PLEKHG6: variants seen among roughly 807,000 people sequenced by gnomAD.
PLEKHG6 encodes pleckstrin homology and RhoGEF domain containing G6, also known as pleckstrin homology domain-containing family G member 6.
A neutral mutation model predicts 97.5 loss-of-function variants in PLEKHG6; 91 were observed. The observed-to-expected ratio is 0.93, with a 90% CI of 0.79 to 1.11. The LOEUF is 1.11. PLEKHG6 is among the 50% of genes most tolerant of loss of function. PLEKHG6 has a pLI of 0.00. For synonymous variants in PLEKHG6, 466 were observed against 425.5 expected (o/e 1.10, Z -1.17); for missense variants, 1,044 against 1,031.0 (o/e 1.01, Z -0.17).
chr12:6,321,099 C>T (rs1013207983), intron 13 of PLEKHG6, among the ~76,000 whole-genome samples: 9 of 152,038 alleles, frequency 5.9e-5, no homozygotes, highest in East Asian at 1.9e-4. Context: ...AGCTCACTGC[C>T]GCCTCAACTT....
At chr12:6,320,984 G>A (rs1220166215) in intron 13 of PLEKHG6, among the ~76,000 whole-genome samples, 3 of 151,992 alleles carry the variant, frequency 2.0e-5, no homozygotes, top group African/African-American at 7.3e-5. Flanking sequence ...ATGCGCTTGA[G>A]TTAAATAGGG....
chr12:6,318,735 C>T lies in PLEKHG6; in HGVS notation c.1276-10C>T. On this transcript the variant is annotated splice_polypyrimidine_tract_variant and intron_variant, in intron 11 of 15. Transcript: ENST00000684764. ...GACCCTGTCTCTTTCCCCTACGCCC[C>T]CACCCCCAGCTGGACGTGTACCTGT... The T allele has an allele frequency of 1.9e-6, 3 of 1,613,314 alleles. No individual in the cohort carries two copies. Among genetic ancestry groups the T allele is most frequent in the Non-Finnish European group, 2.5e-6 (3 of 1,179,304 alleles).
chr12:6,312,272 G>T lies in PLEKHG6; in HGVS notation c.46G>T (p.Val16Leu). The change falls in exon 2 of 16, where the codon GTG (valine) becomes TTG (leucine). Residue 16 changes from valine (V) to leucine (L), a missense_variant. Val to Leu is a conservative substitution (Grantham distance 32). Transcript: ENST00000684764. ...PPHEGPLQGLVASRIETYGGR... is the reference protein window; with the variant it reads ...PPHEGPLQGLLASRIETYGGR... ...ACATGAGGGCCCCCTCCAAGGACTC[G>T]TGGCCTCCCGCATTGAGACTTATGG... The T allele has an allele frequency of 6.5e-7, 1 of 1,548,218 alleles. No individual in the cohort carries two copies. The highest frequency in any genetic ancestry group is 8.7e-7 in the Non-Finnish European group (1 of 1,154,488).
rs1020358566 is a variant in PLEKHG6, at chr12:6,319,373, G to T, written c.1524+265G>T. 15 of 680,292 alleles carry T rather than the reference G, an allele frequency of 2.2e-5. No homozygotes were observed. In the African/African-American group the frequency reaches 2.5e-4, roughly 11 times the overall value. 42.1% of individuals were successfully genotyped at this position (680,292 alleles called of 1,614,324 possible). A position where few individuals can be genotyped will look rare whatever the true frequency, so the allele number is the denominator to read the frequency against. On this transcript the variant is annotated intron_variant, in intron 13 of 15. Coordinates refer to ENST00000684764, the MANE Select transcript of PLEKHG6 (RefSeq NM_001384598.1). ...TGAGGCAGGAGAATCACTTGAGCCC[G>T]GGAAGTGGAGGTTGCAGTGACCTGA...
Position 6,315,803 on chromosome 12 carries a change from G to A in PLEKHG6, c.556-66G>A. The A allele has an allele frequency of 1.4e-6, 2 of 1,397,498 alleles. No homozygotes were observed. The highest frequency in any genetic ancestry group is 9.8e-7 in the Non-Finnish European group (1 of 1,016,402). The allele number at this position is 1,397,498 out of a possible 1,614,324, so 86.6% of individuals were successfully genotyped here. ...AGGTCAGCAGTACTGAAGTTGGTGGGGGGTGGGAGGTGACGACACTGAAGG... is the reference window on the plus strand; with the variant it reads ...AGGTCAGCAGTACTGAAGTTGGTGGAGGGTGGGAGGTGACGACACTGAAGG... On this transcript the variant is annotated intron_variant, in intron 5 of 15. Transcript: ENST00000684764. This position sits in a 1 kb window ranked among gnomAD's most constrained non-coding sequence, Gnocchi z 4.5.
At chr12:6,319,452 G>T in intron 13 of PLEKHG6, 1 of 1,282,186 alleles carries the variant, frequency 7.8e-7, no homozygotes, top group Non-Finnish European at 1.0e-6. Context: ...TGAAGAAGAA[G>T]GAAAAAAAAA....
intron 1 of PLEKHG6, 54 bp from the exon 2 acceptor site, chr12:6,312,105 G>T: frequency 1.2e-6 from 1 of 839,218 alleles, no homozygotes; most frequent in South Asian, 2.5e-5. Context: ...TCTCCCGCCT[G>T]GTGCCATTCA....
chr12:6,328,159 C>T lies in PLEKHG6; in HGVS notation c.*14C>T. On this transcript the variant is annotated 3_prime_UTR_variant, in exon 16 of 16. Transcript: ENST00000684764. ...AGAGAGGTATGAGGAATGCAGAGGA[C>T]CTTTGGCATGCATCTCTCCCAGAGG... The T allele has an allele frequency of 6.2e-7, 1 of 1,613,528 alleles. No individual in the cohort carries two copies. Among genetic ancestry groups the T allele is most frequent in the Non-Finnish European group, 8.5e-7 (1 of 1,179,478 alleles).
In PLEKHG6 at chr12:6,324,265, C is replaced by T. The variant is rs544270062; in HGVS notation, c.1525-2163C>T. Among the ~76,000 whole-genome samples the T allele has an allele frequency of 4.5e-4, 65 of 144,446 alleles. 1 individual carries two copies. Among genetic ancestry groups the T allele is most frequent in the African/African-American group, 1.4e-3 (55 of 38,510 alleles). The allele number at this position is 144,446 out of a possible 152,430, so 94.8% of individuals were successfully genotyped here. A position where few individuals can be genotyped will look rare whatever the true frequency, so the allele number is the denominator to read the frequency against. ...CGCCCATTCCCCCGACCCCCTACCCCGTACTCGGGGCTCCCCCTCGCCCCC... is the reference window on the plus strand; with the variant it reads ...CGCCCATTCCCCCGACCCCCTACCCTGTACTCGGGGCTCCCCCTCGCCCCC... On this transcript the variant is annotated intron_variant, in intron 13 of 15. Coordinates refer to ENST00000684764, the MANE Select transcript of PLEKHG6 (RefSeq NM_001384598.1).
In PLEKHG6 at chr12:6,318,506, G is replaced by A. The variant is rs1381259386; in HGVS notation, c.1275+86G>A. 1.8e-5 allele frequency: 26 copies of A among 1,474,384 alleles called. No individual in the cohort carries two copies. In the Admixed American group the frequency reaches 5.4e-4, roughly 31 times the overall value. 91.3% of individuals were successfully genotyped at this position (1,474,384 alleles called of 1,614,324 possible). On this transcript the variant is annotated intron_variant, in intron 11 of 15. Transcript: ENST00000684764. ...AAACGCCGGAAGTGGGAGAAGAGGG[G>A]TTTGGGGAAGAGGATGTGGTTCTGG...
At chr12:6,323,510 C>T (rs1420017238) in intron 13 of PLEKHG6, among the ~76,000 whole-genome samples, 1 of 152,188 alleles carries the variant, frequency 6.6e-6, no homozygotes, top group Non-Finnish European at 1.5e-5. Flanking sequence ...ATGACTCACA[C>T]TTTTAGAGAA....
chr12:6,318,772 G>A lies in PLEKHG6; in HGVS notation c.1303G>A (p.Asp435Asn), dbSNP rs1258371499. Residue 435 changes from aspartate to asparagine, a missense_variant, in exon 12 of 16, where the codon GAT becomes AAT. By Grantham distance (23) the Asp-to-Asn change is conservative (BLOSUM62 1). Transcript: ENST00000684764. ...KLDVYLFLFSDVLLVTKPQRK... is the reference protein window; with the variant it reads ...KLDVYLFLFSNVLLVTKPQRK... Reference sequence around the variant, plus strand: ...GGACGTGTACCTGTTCCTCTTCTCTGATGTGCTCCTTGTGACCAAGCCCCA... The same window carrying A: ...GGACGTGTACCTGTTCCTCTTCTCTAATGTGCTCCTTGTGACCAAGCCCCA... The A allele has an allele frequency of 6.2e-7, 1 of 1,613,796 alleles. No individual in the cohort carries two copies. The highest frequency in any genetic ancestry group is 2.2e-5 in the East Asian group (1 of 44,848).
Position 6,316,484 on chromosome 12 carries a change from G to T in PLEKHG6, c.756+80G>T. ...GTCCTGTGTGTAGGGCATGCCCACAGTATGCAAATCTCTGTGATTTGAGGG... is the reference window on the plus strand; with the variant it reads ...GTCCTGTGTGTAGGGCATGCCCACATTATGCAAATCTCTGTGATTTGAGGG... On this transcript the variant is annotated intron_variant, in intron 7 of 15. Transcript: ENST00000684764. This position sits in a 1 kb window ranked among gnomAD's most constrained non-coding sequence, Gnocchi z 4.1. 2 of 1,329,030 alleles carry T rather than the reference G, an allele frequency of 1.5e-6. No homozygotes were observed. Among genetic ancestry groups the T allele is most frequent in the Non-Finnish European group, 2.0e-6 (2 of 983,312 alleles). 82.3% of individuals were successfully genotyped at this position (1,329,030 alleles called of 1,614,324 possible). A position where few individuals can be genotyped will look rare whatever the true frequency, so the allele number is the denominator to read the frequency against.
At chr12:6,312,131 C>A in intron 1 of PLEKHG6, 28 bp from the exon 2 acceptor site, 1 of 1,114,848 alleles carries the variant, frequency 9.0e-7, no homozygotes. Flanking sequence ...TGGGGATGGC[C>A]CTTCCATTCC....
intron 13 of PLEKHG6, among the ~76,000 whole-genome samples, chr12:6,323,567 G>A (rs768957329): frequency 2.4e-4 from 37 of 152,216 alleles, no homozygotes; most frequent in Non-Finnish European, 5.0e-4. Flanking sequence ...GGAATGCCCA[G>A]GGACTGAGAA....
In PLEKHG6 at chr12:6,312,255, G is replaced by A. The variant is rs747717329; in HGVS notation, c.29G>A (p.Gly10Asp). Residue 10 changes from glycine to aspartate, a missense_variant, in exon 2 of 16, where the codon GGC becomes GAC. Physicochemically the swap from Gly to Asp is moderately conservative, Grantham distance 94. Transcript: ENST00000684764. MKAFGPPHE[G>D]PLQGLVASRI... The stretch of plus-strand genomic sequence containing the variant: ...AAGGCCTTTGGTCCTCCACATGAGG[G>A]CCCCCTCCAAGGACTCGTGGCCTCC... The A allele has an allele frequency of 2.0e-6, 3 of 1,537,028 alleles. No homozygotes were observed. Among genetic ancestry groups the A allele is most frequent in the African/African-American group, 1.4e-5 (1 of 69,630 alleles).
At chr12:6,323,337 A>T (rs1182277220) in intron 13 of PLEKHG6, among the ~76,000 whole-genome samples, 2 of 152,252 alleles carry the variant, frequency 1.3e-5, no homozygotes, top group Non-Finnish European at 2.9e-5. Flanking sequence ...ACACCAGATT[A>T]TTAGGGAATC....
intron 13 of PLEKHG6, among the ~76,000 whole-genome samples, chr12:6,323,261 C>A (rs1947756949): frequency 6.6e-6 from 1 of 152,232 alleles, no homozygotes; most frequent in South Asian, 2.1e-4. Context: ...CACCAAGGCT[C>A]CCTGGCCTTC....
At position 6,327,641 on chromosome 12, in the gene PLEKHG6, C is replaced by A. The variant is rs1440947934; in HGVS notation, c.2058C>A (p.His686Gln). Residue 686 changes from histidine to glutamine, a missense_variant, in exon 15 of 16, where the codon CAC becomes CAA. His to Gln is a conservative substitution (Grantham distance 24). Transcript: ENST00000684764. The stretch of plus-strand genomic sequence containing the variant: ...GGAATGTGGTGGTGGAAACACTCCA[C>A]AGGGCCCGGCTTCGGGGCCAGCTTC... ...ERGNVVVETL[H>Q]RARLRGQLPS... 2 of 1,562,616 alleles carry A rather than the reference C, an allele frequency of 1.3e-6. No individual in the cohort carries two copies. Among genetic ancestry groups the A allele is most frequent in the African/African-American group, 2.7e-5 (2 of 73,486 alleles).
Sources: allele counts gnomAD v4.1 joint callset (sites outside exome capture counted in the v4.1 genomes callset), GRCh38; gene constraint gnomAD v4.1.1; non-coding constraint Gnocchi (gnomAD v3.1); transcripts MANE v1.5; gene names NCBI Gene and HGNC (gene_info 2026-07-23, HGNC 2026-07-21).